Variants in ALK observed in about 807,000 individuals in gnomAD.
The protein encoded by ALK is ALK receptor tyrosine kinase, also known as ALK tyrosine kinase receptor.
A neutral mutation model predicts 163.1 loss-of-function variants in ALK; 74 were observed. The ratio of observed to expected loss-of-function variants is 0.45; its 90% CI spans 0.38 to 0.55. The LOEUF (loss-of-function observed/expected upper bound fraction) is 0.55. Among genes scored for constraint, ALK ranks in the 20% least tolerant of loss-of-function variants. ALK has a pLI of 0.00. For missense variants in ALK, 2,063 were observed against 2,105.3 expected (o/e 0.98, Z 0.39); for synonymous variants, 960 against 843.2 (o/e 1.14, Z -2.40).
intron 1 of ALK, among the ~76,000 whole-genome samples, chr2:29,824,704 C>T (rs1398629984): frequency 6.6e-6 from 1 of 152,190 alleles, no homozygotes; most frequent in East Asian, 1.9e-4. Context: ...AATGCCTGTA[C>T]CCCCATTGTA....
chr2:29,721,522 A>G, intron 1 of ALK, among the ~76,000 whole-genome samples: 1 of 152,220 alleles, frequency 6.6e-6, no homozygotes, highest in East Asian at 1.9e-4. Context: ...CAAGTTCTCA[A>G]AACTCCAATT....
At chr2:29,831,235 G>T (rs367661307) in intron 1 of ALK, among the ~76,000 whole-genome samples, 1 of 33,954 alleles carries the variant, frequency 2.9e-5, no homozygotes, top group African/African-American at 9.6e-5. Context: ...AAGAAGAAGA[G>T]GAAGAAGAAG....
intron 1 of ALK, among the ~76,000 whole-genome samples, chr2:29,853,474 C>T (rs1287703292): frequency 2.6e-5 from 4 of 152,180 alleles, no homozygotes; most frequent in Admixed American, 1.3e-4. Context: ...GACAAGATCC[C>T]AGGCCCCCCA....
At chr2:29,418,621 G>A (rs1350805862) in intron 4 of ALK, among the ~76,000 whole-genome samples, 4 of 152,132 alleles carry the variant, frequency 2.6e-5, no homozygotes, top group Non-Finnish European at 4.4e-5. Context: ...TAGCTCCCAC[G>A]TATAAGTGAC....
intron 4 of ALK, among the ~76,000 whole-genome samples, chr2:29,471,875 G>A (rs1274974537): frequency 1.3e-5 from 2 of 152,104 alleles, no homozygotes; most frequent in Admixed American, 6.5e-5. Context: ...CTGAGTAGCT[G>A]GGATTACAGG....
intron 15 of ALK, among the ~76,000 whole-genome samples, chr2:29,230,485 G>A (rs1309210883): frequency 6.6e-6 from 1 of 152,152 alleles, no homozygotes; most frequent in African/African-American, 2.4e-5. Context: ...GGAACCCTAC[G>A]GGTGAACCGG....
chr2:29,311,953 G>T (rs13014227), intron 8 of ALK, among the ~76,000 whole-genome samples: 2 of 151,942 alleles, frequency 1.3e-5, no homozygotes, highest in Non-Finnish European at 2.9e-5. Context: ...ATGCTGGCTG[G>T]GGAGAGGAGC....
chr2:29,794,353 A>G (rs1335367029), intron 1 of ALK, among the ~76,000 whole-genome samples: 1 of 152,140 alleles, frequency 6.6e-6, no homozygotes. Flanking sequence ...TATCCAAAAC[A>G]CTCAAACTTT....
intron 3 of ALK, among the ~76,000 whole-genome samples, chr2:29,648,017 T>C (rs1325116714): frequency 6.6e-6 from 1 of 152,118 alleles, no homozygotes; most frequent in Non-Finnish European, 1.5e-5. Flanking sequence ...TGCTCCACAC[T>C]GTAGGGAAAC....
intron 8 of ALK, 65 bp from the exon 9 acceptor site, chr2:29,297,122 T>C (rs1666211409): frequency 6.2e-7 from 1 of 1,601,408 alleles, no homozygotes; most frequent in Non-Finnish European, 8.5e-7. Context: ...TCTGGAATTC[T>C]CCACTGAAGT....
At chr2:29,194,303 T>C (rs940899705) in intron 28 of ALK, among the ~76,000 whole-genome samples, 2 of 151,252 alleles carry the variant, frequency 1.3e-5, no homozygotes, top group African/African-American at 4.9e-5. Flanking sequence ...AAAATAAAAA[T>C]AAAAGCCTAT....
chr2:29,408,528 C>A (rs918380863), intron 4 of ALK, among the ~76,000 whole-genome samples: 1 of 152,022 alleles, frequency 6.6e-6, no homozygotes, highest in African/African-American at 2.4e-5. Context: ...AACCAATCTG[C>A]GAATTGTTAA....
intron 1 of ALK, among the ~76,000 whole-genome samples, chr2:29,868,489 G>A (rs189438565): frequency 6.6e-6 from 1 of 152,284 alleles, no homozygotes; most frequent in East Asian, 1.9e-4. Flanking sequence ...AAGCAAGGAA[G>A]AGCAATAAAG....
intron 13 of ALK, among the ~76,000 whole-genome samples, chr2:29,239,374 C>G (rs1216652675): frequency 2.6e-5 from 4 of 152,180 alleles, no homozygotes. Context: ...GCCCCTTTTC[C>G]CAAGCAAAAG....
intron 3 of ALK, among the ~76,000 whole-genome samples, chr2:29,630,947 C>T (rs1676351975): frequency 6.6e-6 from 1 of 152,158 alleles, no homozygotes; most frequent in Non-Finnish European, 1.5e-5. Flanking sequence ...GCACATGGTG[C>T]TTAGGGTTCT....
intron 2 of ALK, among the ~76,000 whole-genome samples, chr2:29,702,617 A>G (rs1235417599): frequency 6.6e-6 from 1 of 152,246 alleles, no homozygotes; most frequent in Admixed American, 6.5e-5. Context: ...GCTGCTAATA[A>G]AGACATACCA....
At chr2:29,382,941 G>C (rs1668939479) in intron 5 of ALK, among the ~76,000 whole-genome samples, 1 of 152,226 alleles carries the variant, frequency 6.6e-6, no homozygotes, top group East Asian at 1.9e-4. Flanking sequence ...TGAGGGGTCA[G>C]TAGGGCTTCC....
At position 29,901,675 on chromosome 2, in the gene ALK, G is replaced by C. The variant is rs188628543; in HGVS notation, c.667+18318C>G. ...GGCTGTCCAGGGAACTGAGAATTTAGCTCCTTAAACATTTCCTCCTATAAA... is the reference window on the plus strand; with the variant it reads ...GGCTGTCCAGGGAACTGAGAATTTACCTCCTTAAACATTTCCTCCTATAAA... On this transcript the variant is annotated intron_variant, in intron 1 of 28. Coordinates refer to ENST00000389048, the MANE Select transcript of ALK (RefSeq NM_004304.5). Among the ~76,000 whole-genome samples the C allele has an allele frequency of 2.6e-5, 4 of 152,274 alleles. No homozygotes were observed. In the East Asian group the frequency reaches 7.7e-4, roughly 29 times the overall value.
At chr2:29,465,965 A>G (rs1671201041) in intron 4 of ALK, among the ~76,000 whole-genome samples, 1 of 152,240 alleles carries the variant, frequency 6.6e-6, no homozygotes, top group Non-Finnish European at 1.5e-5. Flanking sequence ...TAGAGATTGG[A>G]AATACAAGAA....
Sources: gnomAD v4.1 joint callset for allele counts (sites outside exome capture counted in the v4.1 genomes callset) on GRCh38, gnomAD v4.1.1 for gene constraint, MANE v1.5 for transcripts, NCBI Gene and HGNC (gene_info 2026-07-23, HGNC 2026-07-21) for gene names.